The following EPM2A variants were observed in gnomAD, a reference collection of about 807,000 sequenced individuals.
EPM2A encodes the protein laforin.
A neutral mutation model predicts 26.5 loss-of-function variants in EPM2A; 21 were observed. The ratio of observed to expected loss-of-function variants is 0.79; its 90% CI spans 0.56 to 1.14. The LOEUF is 1.14. EPM2A is among the 50% of genes most tolerant of loss of function. The pLI is 0.00. For missense variants in EPM2A, 458 were observed against 440.8 expected, an observed-to-expected ratio of 1.04 and a Z score of -0.35; for synonymous variants, 217 against 177.6, an observed-to-expected ratio of 1.22 and a Z score of -1.76.
At chr6:145,641,039 T>G (rs1777048425) in intron 2 of EPM2A, 1 of 152,232 alleles carries the variant, frequency 6.6e-6, no homozygotes, top group South Asian at 2.1e-4. Flanking sequence ...GTAAGTCCAG[T>G]TCATTTCTTA....
chr6:145,735,895 G>A (rs532713851), upstream of EPM2A: 1 of 152,474 alleles, frequency 6.6e-6, no homozygotes, highest in African/African-American at 2.4e-5. Context: ...AGGATCATAA[G>A]GAAGGGAATG....
intron 1 of EPM2A, among the ~76,000 whole-genome samples, chr6:145,712,898 A>C (rs1775416508): frequency 6.6e-6 from 1 of 152,160 alleles, no homozygotes; most frequent in South Asian, 2.1e-4. Context: ...TGTAAAGGGC[A>C]CCAATTTTTC....
At chr6:145,398,631 G>A (rs112671785) in intron 4 of EPM2A, among the ~76,000 whole-genome samples, 9 of 152,124 alleles carry the variant, frequency 5.9e-5, no homozygotes, top group Middle Eastern at 3.4e-3. Context: ...CCACTGAGGC[G>A]GGCAGATCAC....
chr6:145,434,553 C>T (rs187549016), intron 4 of EPM2A, among the ~76,000 whole-genome samples: 2 of 152,220 alleles, frequency 1.3e-5, no homozygotes, highest in East Asian at 1.9e-4. Context: ...ATCCAATTCT[C>T]TAGTCAAATC....
intron 4 of EPM2A, among the ~76,000 whole-genome samples, chr6:145,406,781 C>A (rs1778575478): frequency 6.6e-6 from 1 of 152,108 alleles, no homozygotes; most frequent in East Asian, 1.9e-4. Context: ...AAAGTATTGA[C>A]CCCACCAACA....
chr6:145,558,387 A>T (rs1780758921), intron 2 of EPM2A, among the ~76,000 whole-genome samples: 1 of 152,154 alleles, frequency 6.6e-6, no homozygotes, highest in Admixed American at 6.6e-5. Flanking sequence ...TAATGCTGCA[A>T]TGAACATGGG....
exon 4 of EPM2A, chr6:145,501,720 T>G (rs1303917047): frequency 1.1e-5 from 5 of 460,834 alleles, no homozygotes; most frequent in African/African-American, 1.0e-4. Context: ...GCTTATGAAA[T>G]TTTTCTTTCC....
intron 2 of EPM2A, among the ~76,000 whole-genome samples, chr6:145,536,221 T>C (rs1253881823): frequency 6.6e-6 from 1 of 152,100 alleles, no homozygotes; most frequent in Admixed American, 6.6e-5. Context: ...GTTTGATAGT[T>C]TGATTGTCTC....
At chr6:145,508,438 T>C (rs913619400) in intron 2 of EPM2A, among the ~76,000 whole-genome samples, 1 of 152,164 alleles carries the variant, frequency 6.6e-6, no homozygotes, top group Non-Finnish European at 1.5e-5. Context: ...AACAATAAAC[T>C]TGAGGAAGAC....
At chr6:145,616,111 C>T (rs928679397) in intron 2 of EPM2A, among the ~76,000 whole-genome samples, 2 of 152,232 alleles carry the variant, frequency 1.3e-5, no homozygotes, top group East Asian at 3.9e-4. Flanking sequence ...TGCAGCCCCT[C>T]CCATCACAGG....
intron 2 of EPM2A, among the ~76,000 whole-genome samples, chr6:145,598,245 G>T (rs1582886165): frequency 6.6e-6 from 1 of 151,992 alleles, no homozygotes; most frequent in African/African-American, 2.4e-5. Context: ...GTTATTTTTT[G>T]ACTTTTTTTT....
chr6:145,667,908 G>A (rs1446806119), intron 2 of EPM2A, among the ~76,000 whole-genome samples: 3 of 150,458 alleles, frequency 2.0e-5, no homozygotes, highest in African/African-American at 2.5e-5. Context: ...GTAAACTATC[G>A]CAAGAACAAA....
At chr6:145,508,652 A>G (rs184010758) in intron 2 of EPM2A, among the ~76,000 whole-genome samples, 1 of 152,384 alleles carries the variant, frequency 6.6e-6, no homozygotes, top group East Asian at 1.9e-4. Flanking sequence ...TCAGATGAGA[A>G]GGAACCAGTA....
intron 2 of EPM2A, among the ~76,000 whole-genome samples, chr6:145,675,974 T>C (rs1332491061): frequency 6.6e-6 from 1 of 152,202 alleles, no homozygotes; most frequent in Non-Finnish European, 1.5e-5. Flanking sequence ...ATCAACAGAA[T>C]ATACATTCTT....
At chr6:145,696,309 T>C (rs1781565993) in intron 1 of EPM2A, among the ~76,000 whole-genome samples, 1 of 152,034 alleles carries the variant, frequency 6.6e-6, no homozygotes, top group African/African-American at 2.4e-5. Context: ...AATAAATGCC[T>C]ATATCAAAAA....
At chr6:145,451,280 G>A (rs1483357793) in intron 4 of EPM2A, among the ~76,000 whole-genome samples, 1 of 152,140 alleles carries the variant, frequency 6.6e-6, no homozygotes, top group African/African-American at 2.4e-5. Flanking sequence ...ATTACTTGCT[G>A]CATCACTATT....
chr6:145,442,865 A>AT (rs35175914), intron 4 of EPM2A, among the ~76,000 whole-genome samples: 8,070 of 147,314 alleles, frequency 0.055, 725 homozygotes, highest in African/African-American at 0.19. Context: ...CTTTCTTACT[A>AT]TTTTTTTTTT....
At chr6:145,700,548 A>C (rs1484530069) in intron 1 of EPM2A, among the ~76,000 whole-genome samples, 1 of 152,118 alleles carries the variant, frequency 6.6e-6, no homozygotes, top group African/African-American at 2.4e-5. Context: ...CTTAAAGCCC[A>C]CACACACAAA....
chr6:145,450,595 T>C lies in EPM2A; in HGVS notation c.555+51927A>G, dbSNP rs1042318576. On this transcript the variant is annotated intron_variant, in intron 4 of 4. Coordinates refer to the EPM2A transcript ENST00000638717. ...TTTCTCACATGCATACTCTGATCAG[T>C]AAGCAGTTAAATGTTCTTGGGGAAA... Among the ~76,000 whole-genome samples the C allele has an allele frequency of 1.3e-4, 20 of 152,304 alleles. 1 individual carries two copies. Among genetic ancestry groups the C allele is most frequent in the South Asian group, 4.1e-4 (2 of 4,830 alleles).
Sources: gnomAD v4.1 joint callset for allele counts (sites outside exome capture counted in the v4.1 genomes callset) on GRCh38, gnomAD v4.1.1 for gene constraint, MANE v1.5 for transcripts, NCBI Gene and HGNC (gene_info 2026-07-23, HGNC 2026-07-21) for gene names.